SHISAL1: variants seen among roughly 807,000 people sequenced by gnomAD.
SHISAL1 encodes shisa like 1, also known as protein shisa-like-1.
SHISAL1 carries 9 observed loss-of-function variants against 22.6 expected under a neutral mutation model. The ratio of observed to expected loss-of-function variants is 0.40; its 90% CI spans 0.24 to 0.70. SHISAL1 has a LOEUF of 0.70. Ranked by LOEUF, SHISAL1 falls within the 30% of genes least tolerant of loss-of-function variation. The pLI is 0.39. For synonymous variants in SHISAL1, 119 were observed against 115.4 expected (o/e 1.03, Z -0.20); for missense variants, 246 against 270.6 (o/e 0.91, Z 0.64).
the SHISAL1 span, among the ~76,000 whole-genome samples, chr22:44,326,618 T>C: frequency 6.6e-6 from 1 of 152,160 alleles, no homozygotes; most frequent in Admixed American, 6.5e-5. Flanking sequence ...ATTTCTTAAT[T>C]TCTGGAGGCA....
Position 44,296,719 on chromosome 22 carries a change from C to T in SHISAL1, c.234G>A (p.Ala78=), listed in dbSNP as rs762460495. Residue 78 remains alanine (A), a synonymous_variant, in exon 3 of 5, where the codon GCG becomes GCA. Coordinates refer to ENST00000381176, the MANE Select transcript of SHISAL1 (RefSeq NM_001099294.2). ...TGGCCGTGAGGTTCGCCTGCATCAC[C>T]GCCTGGAACTCCGTCTCGTTGCAGC... is the stretch of plus-strand genomic sequence containing the variant. The part of the protein sequence containing the change: ...KYCCNETEFQ[A]VMQANLTASS... 9.9e-6 allele frequency: 16 copies of T among 1,613,972 alleles called. No individual in the cohort carries two copies. Among genetic ancestry groups the T allele is most frequent in the South Asian group, 7.7e-5 (7 of 91,082 alleles).
the SHISAL1 span, among the ~76,000 whole-genome samples, chr22:44,331,112 C>T: frequency 6.6e-6 from 1 of 151,934 alleles, no homozygotes; most frequent in Non-Finnish European, 1.5e-5. This position sits in a 1 kb window ranked among gnomAD's most constrained non-coding sequence, Gnocchi z 5.2. Flanking sequence ...CGCGGTGCGC[C>T]CCGAACTGCT....
chr22:44,319,946 G>A, the SHISAL1 span, among the ~76,000 whole-genome samples: 1 of 152,146 alleles, frequency 6.6e-6, no homozygotes, highest in Non-Finnish European at 1.5e-5. Flanking sequence ...CAGGTCTCGA[G>A]GGTGATGGAT....
At chr22:44,264,015 C>T (rs188321249) in intron 4 of SHISAL1, among the ~76,000 whole-genome samples, 16 of 152,294 alleles carry the variant, frequency 1.1e-4, no homozygotes, top group Middle Eastern at 3.4e-3. Flanking sequence ...TTACTGATGA[C>T]GGCCGGAAGG....
rs766859107 is a variant in SHISAL1 at position 44,285,488 on chromosome 22, T to C, written c.539A>G (p.His180Arg). 1 of 1,613,922 alleles carries C rather than the reference T, an allele frequency of 6.2e-7. No individual in the cohort carries two copies. The change falls in exon 4 of 5, where the codon CAC becomes CGC. Residue 180 changes from histidine (H) to arginine (R), a missense_variant. Coordinates refer to ENST00000381176, the MANE Select transcript of SHISAL1 (RefSeq NM_001099294.2). Reference sequence around the variant, plus strand: ...GCTGTGAGCATCTCCCCGCAATGTGTGCACGGCCTGTGGGGCTTGTGGCAG... The same window carrying C: ...GCTGTGAGCATCTCCCCGCAATGTGCGCACGGCCTGTGGGGCTTGTGGCAG... ...GPLPQAPQAVHTLRGDAHSPP... is the reference protein window; with the variant it reads ...GPLPQAPQAVRTLRGDAHSPP...
intron 2 of SHISAL1, among the ~76,000 whole-genome samples, chr22:44,297,459 GGA>G (rs2055395224): frequency 2.6e-5 from 4 of 152,328 alleles, no homozygotes; most frequent in Admixed American, 2.6e-4. Context: ...ATAGGTGCAA[GGA>G]CCTCTTGGGT....
intron 4 of SHISAL1, among the ~76,000 whole-genome samples, chr22:44,252,626 C>CT (rs758878675): frequency 0.011 from 1,174 of 103,050 alleles, 6 homozygotes; most frequent in Middle Eastern, 0.033. Context: ...TACACACTTG[C>CT]TTAAAAAAAA....
chr22:44,315,386 G>C (rs67126019), upstream of SHISAL1, among the ~76,000 whole-genome samples: 69,967 of 151,980 alleles, frequency 0.46, 16,625 homozygotes, highest in Admixed American at 0.56. Context: ...GGCCTGGCTG[G>C]GGGTCCCTGA....
At chr22:44,289,003 T>C (rs73432518) in intron 3 of SHISAL1, among the ~76,000 whole-genome samples, 3,890 of 152,334 alleles carry the variant, frequency 0.026, 264 homozygotes, top group East Asian at 0.2. Context: ...CACCAACACA[T>C]ACTGACAGCT....
chr22:44,272,795 C>T (rs2055213930), intron 4 of SHISAL1, among the ~76,000 whole-genome samples: 1 of 152,212 alleles, frequency 6.6e-6, no homozygotes, highest in African/African-American at 2.4e-5. Context: ...TCCCTGGAAA[C>T]ACTAGATTGC....
intron 4 of SHISAL1, among the ~76,000 whole-genome samples, chr22:44,259,367 G>C (rs2147271481): frequency 6.6e-6 from 1 of 152,234 alleles, no homozygotes; most frequent in East Asian, 1.9e-4. Context: ...AAACCTGGGA[G>C]GCGGAGGTTG....
chr22:44,330,999 G>T, the SHISAL1 span, among the ~76,000 whole-genome samples: 1 of 152,050 alleles, frequency 6.6e-6, no homozygotes, highest in Non-Finnish European at 1.5e-5. Flanking sequence ...CAGTCCCCGT[G>T]CAGCCCGCAC....
intron 2 of SHISAL1, among the ~76,000 whole-genome samples, chr22:44,300,581 G>T (rs1254430272): frequency 1.3e-5 from 2 of 152,184 alleles, no homozygotes; most frequent in African/African-American, 4.8e-5. Context: ...TCTCGCAGGG[G>T]CAAAGGAGAG....
intron 4 of SHISAL1, 72 bp from the exon 5 acceptor site, chr22:44,249,757 T>G (rs1447762482): frequency 1.3e-6 from 1 of 773,376 alleles, no homozygotes; most frequent in African/African-American, 1.7e-5. Context: ...CTGGCCTCAG[T>G]GCCGGAAGAA....
intron 1 of SHISAL1, 113 bp from the exon 2 acceptor site, chr22:44,301,090 C>T (rs769179650): frequency 1.2e-4 from 77 of 660,656 alleles, no homozygotes; most frequent in Non-Finnish European, 1.7e-4. Context: ...GCGAGTTTGT[C>T]GGGAGCAGGG....
chr22:44,311,130 C>A (rs946080918), intron 1 of SHISAL1, among the ~76,000 whole-genome samples: 3 of 151,944 alleles, frequency 2.0e-5, no homozygotes, highest in Admixed American at 2.0e-4. Context: ...GCCTAGAAAC[C>A]CAACTCCAGG....
At chr22:44,313,462 C>T (rs1410965982), upstream of SHISAL1, among the ~76,000 whole-genome samples, 1 of 152,250 alleles carries the variant, frequency 6.6e-6, no homozygotes, top group Non-Finnish European at 1.5e-5. Context: ...CTGGGCTGAT[C>T]TTCCTGCTGT....
rs1051292234 is a variant in SHISAL1, at chr22:44,300,927, G to T, written c.19C>A (p.Gln7Lys). ...AGGACGGCGAGCACGTTCAAGGACT[G>T]CTGGCCACAACTGGTCATCGTCTGG... MTSCGQ[Q>K]SLNVLAVLFS... The change falls in exon 2 of 5, where the codon CAG (glutamine) becomes AAG (lysine). Residue 7 changes from glutamine (Q) to lysine (K), a missense_variant. Gln to Lys is a moderately conservative substitution (Grantham distance 53). Around this residue, in one of 2 missense-constraint regions of SHISAL1, gnomAD observed 110 missense variants for 153.1 expected, o/e 0.72. Coordinates refer to ENST00000381176, the MANE Select transcript of SHISAL1 (RefSeq NM_001099294.2). 10 of 1,614,132 alleles carry T rather than the reference G, an allele frequency of 6.2e-6. No homozygotes were observed. Among genetic ancestry groups the T allele is most frequent in the Non-Finnish European group, 8.5e-6 (10 of 1,179,998 alleles).
rs117315686 is a variant in SHISAL1, at chr22:44,277,513, C to T, written c.599+7915G>A. ...TCATGGCAGGTGGGGCTATTCAAAC[C>T]GAGGCCAGCTTCCTGGAGGGTGAGT... On this transcript the variant is annotated intron_variant, in intron 4 of 4. Coordinates refer to ENST00000381176, the MANE Select transcript of SHISAL1 (RefSeq NM_001099294.2). 7.3e-3 allele frequency among the ~76,000 whole-genome samples: 1,096 copies of T among 150,886 alleles called. 5 individuals are homozygous for T. The highest frequency in any genetic ancestry group is 0.012 in the Non-Finnish European group (787 of 67,316).
Sources: gnomAD v4.1 joint callset for allele counts (sites outside exome capture counted in the v4.1 genomes callset) on GRCh38, gnomAD v4.1.1 for gene constraint, gnomAD v4.1.1 regional missense constraint, Gnocchi (gnomAD v3.1) non-coding constraint, MANE v1.5 for transcripts, NCBI Gene and HGNC (gene_info 2026-07-23, HGNC 2026-07-21) for gene names.